The following SLC4A4 variants were observed in gnomAD, a reference collection of about 807,000 sequenced individuals.
SLC4A4 encodes the protein solute carrier family 4 member 4.
SLC4A4 carries 27 observed loss-of-function variants against 111.5 expected under a neutral mutation model. The observed-to-expected ratio is 0.24, with a 90% confidence interval of 0.18 to 0.33. SLC4A4 has a LOEUF of 0.33. Among genes scored for constraint, SLC4A4 ranks in the 10% least tolerant of loss-of-function variants. The pLI, the probability that SLC4A4 is intolerant of heterozygous loss-of-function variation, is 1.00. For missense variants in SLC4A4, 909 were observed against 1,315.5 expected (o/e 0.69, Z 4.78); for synonymous variants, 443 against 463.4 (o/e 0.96, Z 0.57).
chr4:71,545,891 A>G (rs926273760), intron 18 of SLC4A4, among the ~76,000 whole-genome samples: 7 of 152,040 alleles, frequency 4.6e-5, no homozygotes, highest in Non-Finnish European at 1.0e-4. Flanking sequence ...AACAAAAACA[A>G]CCAGTACCAC....
At chr4:71,549,390 G>A (rs1226291730) in intron 20 of SLC4A4, among the ~76,000 whole-genome samples, 1 of 151,820 alleles carries the variant, frequency 6.6e-6, no homozygotes, top group Non-Finnish European at 1.5e-5. Context: ...AGCCCATGTT[G>A]TGAGAAGCTC....
intron 8 of SLC4A4, among the ~76,000 whole-genome samples, 154 bp downstream of exon 8, chr4:71,440,927 A>C (rs1724657202): frequency 6.6e-6 from 1 of 152,196 alleles, no homozygotes; most frequent in South Asian, 2.1e-4. Flanking sequence ...TATACTGTCA[A>C]ATTTCTTGGC....
intron 2 of SLC4A4, among the ~76,000 whole-genome samples, chr4:71,112,863 A>T (rs1743132589): frequency 6.6e-6 from 1 of 152,184 alleles, no homozygotes; most frequent in Non-Finnish European, 1.5e-5. Flanking sequence ...TTGGAAAAAA[A>T]TATTTAGTGA....
chr4:71,539,839 T>C (rs1373550627), intron 18 of SLC4A4, among the ~76,000 whole-genome samples: 3 of 152,164 alleles, frequency 2.0e-5, no homozygotes, highest in African/African-American at 7.2e-5. Context: ...ACTCAATAAA[T>C]ACATGTTGAT....
intron 2 of SLC4A4, among the ~76,000 whole-genome samples, chr4:71,101,297 A>G (rs1045681265): frequency 1.3e-5 from 2 of 152,132 alleles, no homozygotes; most frequent in Non-Finnish European, 2.9e-5. Flanking sequence ...ATGCTCATTA[A>G]TAAGAATCTT....
intron 12 of SLC4A4, among the ~76,000 whole-genome samples, chr4:71,459,157 T>G (rs1726571399): frequency 6.6e-6 from 1 of 152,084 alleles, no homozygotes; most frequent in South Asian, 2.1e-4. Flanking sequence ...ATTTGGTGGG[T>G]TTTTTTATTT....
intron 11 of SLC4A4, among the ~76,000 whole-genome samples, chr4:71,453,015 A>G (rs1725910919): frequency 6.6e-6 from 1 of 152,138 alleles, no homozygotes; most frequent in Admixed American, 6.5e-5. Context: ...GTTCACTGTT[A>G]TGTCCTCAGC....
intron 1 of SLC4A4, among the ~76,000 whole-genome samples, chr4:71,089,774 G>T (rs112253203): frequency 6.6e-6 from 1 of 151,986 alleles, no homozygotes; most frequent in African/African-American, 2.4e-5. Flanking sequence ...TCTCAGAGGA[G>T]TACCCGGCCA....
At chr4:71,440,191 A>G (rs570438816) in intron 7 of SLC4A4, among the ~76,000 whole-genome samples, 2 of 151,620 alleles carry the variant, frequency 1.3e-5, no homozygotes, top group Non-Finnish European at 2.9e-5. Context: ...TCAGCACTTT[A>G]TATTTTATTT....
chr4:71,454,558 TA>T (rs1183055450), intron 12 of SLC4A4, among the ~76,000 whole-genome samples: 7 of 152,212 alleles, frequency 4.6e-5, no homozygotes, highest in African/African-American at 1.4e-4. Flanking sequence ...ATTTTTTTTT[TA>T]AATGCAGCTG....
At chr4:71,442,603 G>A (rs577759748) in intron 8 of SLC4A4, among the ~76,000 whole-genome samples, 31 of 152,220 alleles carry the variant, frequency 2.0e-4, no homozygotes, top group Non-Finnish European at 4.1e-4. Context: ...TGGTAGGCAT[G>A]GTGAAGGACT....
chr4:71,509,625 C>A (rs1731729046), intron 16 of SLC4A4, among the ~76,000 whole-genome samples: 1 of 152,108 alleles, frequency 6.6e-6, no homozygotes, highest in African/African-American at 2.4e-5. Flanking sequence ...AGTTTCAGAA[C>A]TGGGAACATT....
At chr4:71,196,373 TG>T (rs1248406128) in intron 1 of SLC4A4, among the ~76,000 whole-genome samples, 2 of 152,166 alleles carry the variant, frequency 1.3e-5, no homozygotes, top group Non-Finnish European at 2.9e-5. Context: ...GGATAGGAAA[TG>T]TCTCAAAAGA....
chr4:71,389,189 A>G (rs1719042435), intron 6 of SLC4A4, among the ~76,000 whole-genome samples: 1 of 152,172 alleles, frequency 6.6e-6, no homozygotes, highest in Non-Finnish European at 1.5e-5. Flanking sequence ...TAATTGATGC[A>G]GGTATCTGTG....
Position 71,455,740 on chromosome 4 carries a change from T to A in SLC4A4, c.1497+2071T>A, listed in dbSNP as rs537124023. On this transcript the variant is annotated intron_variant, in intron 12 of 25. Transcript: ENST00000264485. Reference sequence around the variant, plus strand: ...TTGCAATATTGCCTATGTGTATTAGTTTATTGCCTTTTTTGAATTGAATTG... The same window carrying A: ...TTGCAATATTGCCTATGTGTATTAGATTATTGCCTTTTTTGAATTGAATTG... Among the ~76,000 whole-genome samples the A allele has an allele frequency of 7.9e-5, 12 of 152,246 alleles. No individual in the cohort carries two copies. In the East Asian group the frequency reaches 1.9e-3, roughly 25 times the overall value.
chr4:71,088,429 G>T (rs182071718), intron 1 of SLC4A4, among the ~76,000 whole-genome samples: 2 of 152,114 alleles, frequency 1.3e-5, no homozygotes, highest in East Asian at 3.9e-4. Context: ...TGTTATGTGT[G>T]AATTGGATCC....
intron 2 of SLC4A4, among the ~76,000 whole-genome samples, chr4:71,253,487 A>G (rs1721221927): frequency 6.6e-6 from 1 of 152,068 alleles, no homozygotes; most frequent in South Asian, 2.1e-4. Flanking sequence ...AAATTTTTCA[A>G]CCTCTTAATT....
intron 2 of SLC4A4, among the ~76,000 whole-genome samples, chr4:71,162,929 A>G (rs1744649200): frequency 6.6e-6 from 1 of 152,196 alleles, no homozygotes; most frequent in Non-Finnish European, 1.5e-5. Context: ...CTTTTTCACT[A>G]GAACCATGTT....
chr4:71,520,848 G>T (rs536743025), intron 16 of SLC4A4, among the ~76,000 whole-genome samples: 2 of 151,420 alleles, frequency 1.3e-5, no homozygotes, highest in Non-Finnish European at 2.9e-5. Flanking sequence ...CTTTTTTTTG[G>T]GGGGGTGGCT....
Sources: gnomAD v4.1 joint callset for allele counts (sites outside exome capture counted in the v4.1 genomes callset) on GRCh38, gnomAD v4.1.1 for gene constraint, MANE v1.5 for transcripts, NCBI Gene and HGNC (gene_info 2026-07-23, HGNC 2026-07-21) for gene names.